Variants in SLC12A8 observed in about 807,000 individuals in gnomAD.
SLC12A8 encodes cation-chloride cotransporter 9.
SLC12A8 carries 69 observed loss-of-function variants against 75.6 expected under a neutral mutation model. That is an observed-to-expected ratio of 0.91 (90% CI 0.75 to 1.11). The LOEUF is 1.11. Ranked by LOEUF, SLC12A8 falls within the 50% of genes most tolerant of loss-of-function variation. The pLI is 0.00. For synonymous variants in SLC12A8, 365 were observed against 372.8 expected (o/e 0.98, Z 0.24); for missense variants, 877 against 896.7 (o/e 0.98, Z 0.28).
intron 5 of SLC12A8, among the ~76,000 whole-genome samples, chr3:125,157,587 C>A (rs985746557): frequency 6.6e-6 from 1 of 152,232 alleles, no homozygotes; most frequent in African/African-American, 2.4e-5. Context: ...AACCCTGTCC[C>A]AGCACACTCA....
chr3:125,131,477 C>G (rs1933355346), intron 6 of SLC12A8, among the ~76,000 whole-genome samples: 2 of 152,228 alleles, frequency 1.3e-5, no homozygotes, highest in South Asian at 4.2e-4. Flanking sequence ...ATCTCTGCCT[C>G]CCAGGTTCAA....
chr3:125,096,592 CT>C, intron 10 of SLC12A8, among the ~76,000 whole-genome samples: 1 of 152,244 alleles, frequency 6.6e-6, no homozygotes, highest in East Asian at 1.9e-4. Flanking sequence ...TTATGCTTAT[CT>C]TTTTTTACAT....
At chr3:125,190,980 G>A (rs1406441006) in intron 2 of SLC12A8, among the ~76,000 whole-genome samples, 1 of 152,156 alleles carries the variant, frequency 6.6e-6, no homozygotes, top group Non-Finnish European at 1.5e-5. Flanking sequence ...TCATGGTCAT[G>A]AGCCCTCTTC....
rs1324862415 is a variant in SLC12A8, at chr3:125,108,102, C to G, written c.1084G>C (p.Ala362Pro). 15 of 1,613,594 alleles carry G rather than the reference C, an allele frequency of 9.3e-6. No individual in the cohort carries two copies. Residue 362 changes from alanine to proline, a missense_variant, in exon 10 of 14, where the codon GCT becomes CCT. By Grantham distance (27) the Ala-to-Pro change is conservative. Coordinates refer to ENST00000469902, the MANE Select transcript of SLC12A8 (RefSeq NM_024628.6). ...ACCAAGCTGGTCAGGCAGATGGCAGCCACGGGTGTTTTGTTTGGCCCCTTC... is the reference window on the plus strand; with the variant it reads ...ACCAAGCTGGTCAGGCAGATGGCAGGCACGGGTGTTTTGTTTGGCCCCTTC... ...QGKGPNKTPV[A>P]AICLTSLVTM...
At chr3:125,188,107 G>A (rs1934832240) in intron 3 of SLC12A8, among the ~76,000 whole-genome samples, 1 of 152,172 alleles carries the variant, frequency 6.6e-6, no homozygotes, top group Non-Finnish European at 1.5e-5. Context: ...TTGGGTCATG[G>A]GGGTGGACCC....
intron 6 of SLC12A8, among the ~76,000 whole-genome samples, chr3:125,129,122 T>C (rs865895820): frequency 3.3e-5 from 5 of 152,376 alleles, no homozygotes; most frequent in South Asian, 2.1e-4. Flanking sequence ...GGCCCATGTG[T>C]TGGCTGTGGC....
Position 125,132,486 on chromosome 3 carries a change from G to A in SLC12A8, c.736+3183C>T, listed in dbSNP as rs1933384468. On this transcript the variant is annotated intron_variant, in intron 6 of 13. Transcript: ENST00000469902. ...AGAGAGAATCTAGCAACTCTTAGGA[G>A]GTAAAATTGACAAGACTTAGAGGGC... is the stretch of plus-strand genomic sequence containing the variant. 1.3e-5 allele frequency among the ~76,000 whole-genome samples: 2 copies of A among 152,142 alleles called. 1 individual carries two copies. The highest frequency in any genetic ancestry group is 4.1e-4 in the South Asian group (2 of 4,830).
At chr3:125,155,704 T>C (rs1421308011) in intron 5 of SLC12A8, among the ~76,000 whole-genome samples, 1 of 132,072 alleles carries the variant, frequency 7.6e-6, no homozygotes, top group Non-Finnish European at 1.5e-5. Context: ...TGAGCCAAGA[T>C]CACGCCACTG....
intron 5 of SLC12A8, among the ~76,000 whole-genome samples, chr3:125,147,362 G>A (rs1933803783): frequency 6.6e-6 from 1 of 152,178 alleles, no homozygotes; most frequent in Non-Finnish European, 1.5e-5. Flanking sequence ...CCCTTTGTGG[G>A]GCTGGCAGGG....
chr3:125,211,270 T>C, intron 2 of SLC12A8, 29 bp downstream of exon 2: 1 of 1,606,844 alleles, frequency 6.2e-7, no homozygotes, highest in South Asian at 1.1e-5. Context: ...CAGGCCTCCA[T>C]CACAGACCCT....
At chr3:125,172,703 C>T (rs1373793001) in intron 5 of SLC12A8, among the ~76,000 whole-genome samples, 6 of 152,212 alleles carry the variant, frequency 3.9e-5, no homozygotes, top group African/African-American at 1.4e-4. Context: ...ACCAATCTCC[C>T]TCTGGAAAGA....
intron 5 of SLC12A8, among the ~76,000 whole-genome samples, chr3:125,163,067 GC>G (rs938357477): frequency 1.1e-4 from 16 of 152,288 alleles, no homozygotes; most frequent in African/African-American, 3.9e-4. Flanking sequence ...CCTTTGGGAG[GC>G]CAAGACAGGT....
chr3:125,121,854 A>G (rs994798918), intron 6 of SLC12A8, among the ~76,000 whole-genome samples: 1 of 152,176 alleles, frequency 6.6e-6, no homozygotes, highest in East Asian at 1.9e-4. Flanking sequence ...TGTATTTCAG[A>G]GAGAACCCTG....
intron 5 of SLC12A8, among the ~76,000 whole-genome samples, chr3:125,168,325 A>C (rs1158929437): frequency 6.6e-6 from 1 of 152,142 alleles, no homozygotes; most frequent in Admixed American, 6.5e-5. Flanking sequence ...GCAGTGGGGG[A>C]AGAAAAGGCT....
chr3:125,199,239 C>T (rs1935072847), intron 2 of SLC12A8, among the ~76,000 whole-genome samples: 1 of 152,042 alleles, frequency 6.6e-6, no homozygotes, highest in Non-Finnish European at 1.5e-5. Context: ...AAAATATATA[C>T]ATATATATAG....
chr3:125,094,175 C>T lies in SLC12A8; in HGVS notation c.1706-1977G>A, dbSNP rs1334699496. On this transcript the variant is annotated intron_variant, in intron 10 of 13. Transcript: ENST00000469902. ...CTCAGCCCATAACCTCCTTTAAAAG[C>T]AACGTTAAGCTCATTTGCTCTGCTG... Among the ~76,000 whole-genome samples the T allele has an allele frequency of 5.3e-5, 8 of 152,308 alleles. No individual in the cohort carries two copies. In the East Asian group the frequency reaches 1.5e-3, roughly 29 times the overall value.
intron 5 of SLC12A8, among the ~76,000 whole-genome samples, chr3:125,137,702 T>C (rs542005922): frequency 1.4e-4 from 22 of 152,380 alleles, no homozygotes; most frequent in African/African-American, 4.6e-4. Context: ...TGAAGGGCTT[T>C]GCCCTGGCCA....
intron 9 of SLC12A8, among the ~76,000 whole-genome samples, chr3:125,109,258 T>C (rs1215627971): frequency 6.6e-6 from 1 of 152,190 alleles, no homozygotes; most frequent in African/African-American, 2.4e-5. Flanking sequence ...TGAGCTCAAC[T>C]AGGCTCACGG....
At chr3:125,115,698 A>G (rs1466736186) in intron 8 of SLC12A8, among the ~76,000 whole-genome samples, 1 of 152,138 alleles carries the variant, frequency 6.6e-6, no homozygotes, top group African/African-American at 2.4e-5. Flanking sequence ...CAGCCATTGA[A>G]GATAATTGTT....
Sources: gnomAD v4.1 joint callset for allele counts (sites outside exome capture counted in the v4.1 genomes callset) on GRCh38, gnomAD v4.1.1 for gene constraint, MANE v1.5 for transcripts, NCBI Gene and HGNC (gene_info 2026-07-23, HGNC 2026-07-21) for gene names.